PCMTD1: variants seen among roughly 807,000 people sequenced by gnomAD.
PCMTD1 encodes the protein protein-L-isoaspartate O-methyltransferase domain-containing protein 1.
Under a neutral mutation model 37.6 loss-of-function variants are expected in PCMTD1, and 12 were observed. That is an observed-to-expected ratio of 0.32 (90% CI 0.20 to 0.52). The LOEUF (loss-of-function observed/expected upper bound fraction) is 0.52. PCMTD1 is among the 20% of genes least tolerant of loss of function. The probability of loss-of-function intolerance (pLI) is 0.97; values close to 1 mark genes in which losing one functional copy is unlikely to be tolerated. For synonymous variants in PCMTD1, 117 were observed against 135.8 expected, an observed-to-expected ratio of 0.86 and a Z score of 0.96; for missense variants, 235 against 421.3, an observed-to-expected ratio of 0.56 and a Z score of 3.87.
intron 1 of PCMTD1, among the ~76,000 whole-genome samples, chr8:51,878,557 G>A (rs959950028): frequency 6.6e-6 from 1 of 151,830 alleles, no homozygotes; most frequent in Non-Finnish European, 1.5e-5. Context: ...GAACAGCCTG[G>A]GCAACATAGT....
chr8:51,894,815 G>GGA (rs779495493), intron 1 of PCMTD1, among the ~76,000 whole-genome samples: 7 of 151,832 alleles, frequency 4.6e-5, no homozygotes, highest in African/African-American at 1.7e-4. Context: ...TCTAAGAAAA[G>GGA]GAGAGAGAGA....
chr8:51,855,393 C>T (rs1468355752), intron 2 of PCMTD1, among the ~76,000 whole-genome samples: 5 of 149,452 alleles, frequency 3.3e-5, no homozygotes, highest in African/African-American at 9.8e-5. Flanking sequence ...ATTAGCCAAG[C>T]GTGGTGACGT....
chr8:51,870,506 A>T (rs2038623950), intron 1 of PCMTD1: 1 of 152,248 alleles, frequency 6.6e-6, no homozygotes, highest in Non-Finnish European at 1.5e-5. Context: ...TTTACTCTAT[A>T]TTCAATGATG....
At chr8:51,883,609 T>A (rs990550085) in intron 1 of PCMTD1, among the ~76,000 whole-genome samples, 12 of 152,204 alleles carry the variant, frequency 7.9e-5, no homozygotes, top group African/African-American at 2.9e-4. Flanking sequence ...ATGCCCGATA[T>A]TTTTAAAACG....
At chr8:51,839,999 C>A (rs891215617) in intron 3 of PCMTD1, among the ~76,000 whole-genome samples, 9 of 152,172 alleles carry the variant, frequency 5.9e-5, no homozygotes, top group Non-Finnish European at 1.2e-4. Flanking sequence ...TACACTGATA[C>A]CATTCAAGGA....
In PCMTD1 at chr8:51,860,946, TAA is replaced by T. The variant is rs776016521; in HGVS notation, c.204_205del (p.Tyr69PhefsTer2). ...TTTCAATGCTTCCATAACTTCAGAA[TAA>T]ATGCAAGGTGCTGACAAGTGGATGT... On this transcript the variant is annotated frameshift_variant, in exon 2 of 6. Transcript: ENST00000522514. LOFTEE classifies it high-confidence loss of function. The T allele has an allele frequency of 1.2e-6, 2 of 1,614,152 alleles. No individual in the cohort carries two copies. The highest frequency in any genetic ancestry group is 1.7e-6 in the Non-Finnish European group (2 of 1,179,992).
Position 51,847,690 on chromosome 8 carries a change from A to C in PCMTD1, c.308-1927T>G, listed in dbSNP as rs138379308. On this transcript the variant is annotated intron_variant, in intron 2 of 5. Transcript: ENST00000522514. ...TAACATTATGTACATAGTAAGAAAA[A>C]TACTATCCTATGACATAAACCTAAT... 2.5e-3 allele frequency among the ~76,000 whole-genome samples: 385 copies of C among 152,304 alleles called. 2 individuals carry two copies. The highest frequency in any genetic ancestry group is 9.0e-3 in the African/African-American group (373 of 41,566).
chr8:51,893,699 T>C (rs932766708), intron 1 of PCMTD1, among the ~76,000 whole-genome samples: 3 of 152,156 alleles, frequency 2.0e-5, no homozygotes, highest in Non-Finnish European at 4.4e-5. Context: ...TGATTTGTCT[T>C]AAATAAACAA....
intron 5 of PCMTD1, among the ~76,000 whole-genome samples, chr8:51,822,597 A>G (rs2037864726): frequency 2.0e-5 from 3 of 152,234 alleles, no homozygotes. Context: ...ATGTTTTACA[A>G]GTAATAACTG....
chr8:51,837,635 ACTT>A (rs1242119040), intron 3 of PCMTD1, among the ~76,000 whole-genome samples: 1 of 152,108 alleles, frequency 6.6e-6, no homozygotes, highest in African/African-American at 2.4e-5. Context: ...GCATATTCTC[ACTT>A]TTTTTCAATC....
chr8:51,858,779 A>T (rs1202855888), intron 2 of PCMTD1, among the ~76,000 whole-genome samples: 1 of 152,234 alleles, frequency 6.6e-6, no homozygotes, highest in Admixed American at 6.5e-5. Flanking sequence ...CTGGAATAGT[A>T]TCCAGGAGCC....
chr8:51,850,527 A>G (rs1277809042), intron 2 of PCMTD1, among the ~76,000 whole-genome samples: 2 of 152,218 alleles, frequency 1.3e-5, no homozygotes, highest in Non-Finnish European at 2.9e-5. Context: ...ACTGGGGCTG[A>G]GCAGTACTAG....
rs560461533 is a variant in PCMTD1, at chr8:51,820,811, G to A, written c.707-93C>T. 4.6e-6 allele frequency: 6 copies of A among 1,311,972 alleles called. No individual in the cohort carries two copies. The East Asian group carries it at 1.3e-4, about 29-fold the overall frequency. 81.3% of individuals were successfully genotyped at this position (1,311,972 alleles called of 1,614,324 possible). ...TTCATAGAACAAAATGTGTTTCTTA[G>A]CATATTTTAGAAAATACAGAAAATA... On this transcript the variant is annotated intron_variant, in intron 5 of 5. Transcript: ENST00000522514.
intron 3 of PCMTD1, among the ~76,000 whole-genome samples, chr8:51,837,220 CTAAAT>C (rs781776210): frequency 6.6e-6 from 1 of 152,118 alleles, no homozygotes; most frequent in Non-Finnish European, 1.5e-5. Flanking sequence ...AATCAAATCT[CTAAAT>C]TAATAAATTT....
intron 2 of PCMTD1, among the ~76,000 whole-genome samples, chr8:51,846,778 A>AAATTT (rs1311863470): frequency 1.3e-5 from 2 of 152,220 alleles, no homozygotes; most frequent in African/African-American, 4.8e-5. Flanking sequence ...TGAATGTTGA[A>AAATTT]ACAGTACATG....
intron 1 of PCMTD1, among the ~76,000 whole-genome samples, chr8:51,876,362 G>GT (rs1445320543): frequency 1.3e-5 from 2 of 149,928 alleles, no homozygotes; most frequent in Non-Finnish European, 3.0e-5. Context: ...GAAGTCAACA[G>GT]TTTGAGTTTT....
chr8:51,850,204 A>G lies in PCMTD1; in HGVS notation c.308-4441T>C, dbSNP rs915650255. ...ACTGTAAGACCGGTTCCCACTGTATAATAGTAGTCCCTGGGAAAAAGCATT... is the reference window on the plus strand; with the variant it reads ...ACTGTAAGACCGGTTCCCACTGTATGATAGTAGTCCCTGGGAAAAAGCATT... On this transcript the variant is annotated intron_variant, in intron 2 of 5. Transcript: ENST00000522514. 1.6e-5 allele frequency: 10 copies of G among 618,930 alleles called. No homozygotes were observed. In the East Asian group the frequency reaches 2.2e-4, roughly 14 times the overall value. The allele number at this position is 618,930 out of a possible 1,614,324, so 38.3% of individuals were successfully genotyped here.
intron 2 of PCMTD1, chr8:51,849,878 G>T: frequency 1.7e-6 from 1 of 586,016 alleles, no homozygotes; most frequent in South Asian, 2.1e-5. Context: ...TGACAGTGTG[G>T]TGCTGATGAG....
intron 3 of PCMTD1, among the ~76,000 whole-genome samples, chr8:51,840,820 G>A (rs9643466): frequency 6.6e-6 from 1 of 151,928 alleles, no homozygotes; most frequent in African/African-American, 2.4e-5. Flanking sequence ...TTGCCTCCCC[G>A]ACCCATCCCT....
Sources: gnomAD v4.1 joint callset for allele counts (sites outside exome capture counted in the v4.1 genomes callset) on GRCh38, gnomAD v4.1.1 for gene constraint, MANE v1.5 for transcripts, NCBI Gene and HGNC (gene_info 2026-07-23, HGNC 2026-07-21) for gene names.